MNAT1: variants seen among roughly 807,000 people sequenced by gnomAD.
MNAT1 encodes MNAT1 component of CDK activating kinase, also known as CDK-activating kinase assembly factor MAT1.
MNAT1 carries 43 observed loss-of-function variants against 42.0 expected under a neutral mutation model. That is an observed-to-expected ratio of 1.02 (90% CI 0.80 to 1.32). The LOEUF (loss-of-function observed/expected upper bound fraction) is 1.32. Ranked by LOEUF, MNAT1 falls within the 40% of genes most tolerant of loss-of-function variation. MNAT1 has a pLI of 0.00. For missense variants in MNAT1, 306 were observed against 350.4 expected, an observed-to-expected ratio of 0.87 and a Z score of 1.01; for synonymous variants, 118 against 120.0, an observed-to-expected ratio of 0.98 and a Z score of 0.11.
intron 6 of MNAT1, among the ~76,000 whole-genome samples, chr14:60,846,021 G>C (rs560716056): frequency 4.0e-5 from 6 of 151,890 alleles, no homozygotes; most frequent in African/African-American, 1.5e-4. Flanking sequence ...ATTAATGAGA[G>C]GATTTCCAAA....
At chr14:60,758,325 C>T (rs1156548979) in intron 1 of MNAT1, among the ~76,000 whole-genome samples, 1 of 151,826 alleles carries the variant, frequency 6.6e-6, no homozygotes, top group Non-Finnish European at 1.5e-5. Flanking sequence ...CTCATGTCAG[C>T]CTCCTCAGTA....
intron 6 of MNAT1, among the ~76,000 whole-genome samples, chr14:60,831,957 T>C (rs2033234265): frequency 6.6e-6 from 1 of 152,246 alleles, no homozygotes; most frequent in East Asian, 1.9e-4. Context: ...CATGTGTTTG[T>C]TGGCTGCATA....
chr14:60,801,104 G>A (rs548743945), intron 3 of MNAT1, among the ~76,000 whole-genome samples: 17 of 152,244 alleles, frequency 1.1e-4, no homozygotes, highest in Admixed American at 4.6e-4. Context: ...ATTCAGAGAA[G>A]AGATGACATG....
In MNAT1 at chr14:60,968,301, C is replaced by T. The variant is rs2036719947; in HGVS notation, c.882C>T (p.His294=). 4 of 1,613,848 alleles carry T rather than the reference C, an allele frequency of 2.5e-6. No homozygotes were observed. In the South Asian group the frequency reaches 4.4e-5, roughly 18 times the overall value. ...AGGYTSSLAC[H]RALQDAFSGL... ...GCTATACTTCTTCTCTTGCTTGTCA[C>T]AGAGCACTACAGGATGCATTCAGTG... is the stretch of plus-strand genomic sequence containing the variant. The change falls in exon 8 of 8, where the codon CAC becomes CAT. Residue 294 remains histidine, a synonymous_variant. Coordinates refer to ENST00000261245, the MANE Select transcript of MNAT1 (RefSeq NM_002431.4).
intron 1 of MNAT1, among the ~76,000 whole-genome samples, chr14:60,770,372 TG>T (rs1219310558): frequency 2.8e-4 from 42 of 152,336 alleles, no homozygotes; most frequent in African/African-American, 1.0e-3. Flanking sequence ...GTTGTGTTAA[TG>T]CTCCAATGAA....
intron 1 of MNAT1, among the ~76,000 whole-genome samples, chr14:60,779,577 G>A (rs761470664): frequency 6.6e-6 from 1 of 152,106 alleles, no homozygotes; most frequent in Non-Finnish European, 1.5e-5. Context: ...CATGAGGTCA[G>A]GAGATCAAGA....
chr14:60,833,796 G>T (rs112360503), intron 6 of MNAT1, among the ~76,000 whole-genome samples: 7 of 152,094 alleles, frequency 4.6e-5, no homozygotes, highest in Admixed American at 3.3e-4. Context: ...CTGTGAATCT[G>T]TATGTTCCTG....
At chr14:60,930,246 T>TTATTAG (rs942994616) in intron 7 of MNAT1, among the ~76,000 whole-genome samples, 2 of 147,154 alleles carry the variant, frequency 1.4e-5, no homozygotes, top group African/African-American at 5.0e-5. Context: ...ATTATTATTA[T>TTATTAG]TTGAGTCTAT....
At chr14:60,939,231 C>T (rs571522741) in intron 7 of MNAT1, among the ~76,000 whole-genome samples, 1 of 152,300 alleles carries the variant, frequency 6.6e-6, no homozygotes, top group African/African-American at 2.4e-5. Flanking sequence ...TGTCTATCTC[C>T]TTCAGTTCTG....
chr14:60,830,980 G>C (rs1395484776), intron 6 of MNAT1, among the ~76,000 whole-genome samples: 2 of 151,866 alleles, frequency 1.3e-5, no homozygotes, highest in Admixed American at 6.6e-5. Context: ...CGTGCCTCCT[G>C]TTAACATTTT....
At chr14:60,890,705 A>G (rs1275354701) in intron 7 of MNAT1, among the ~76,000 whole-genome samples, 1 of 152,230 alleles carries the variant, frequency 6.6e-6, no homozygotes, top group Non-Finnish European at 1.5e-5. Context: ...GACAGAAAGC[A>G]TCCAGCATGG....
chr14:60,914,216 C>T (rs147718971), intron 7 of MNAT1, among the ~76,000 whole-genome samples: 301 of 152,282 alleles, frequency 2.0e-3, no homozygotes, highest in African/African-American at 6.8e-3. Flanking sequence ...TTCCAGGTGC[C>T]GTCTGTCACC....
chr14:60,885,983 G>C (rs775106075), intron 7 of MNAT1, among the ~76,000 whole-genome samples: 1 of 151,894 alleles, frequency 6.6e-6, no homozygotes, highest in Non-Finnish European at 1.5e-5. Context: ...ACTTGTATGT[G>C]TATAGTTCTC....
intron 4 of MNAT1, among the ~76,000 whole-genome samples, chr14:60,809,836 G>T (rs748667673): frequency 3.9e-5 from 6 of 151,992 alleles, no homozygotes; most frequent in Non-Finnish European, 8.8e-5. Flanking sequence ...TGGTACCTTT[G>T]TCTGGTTTTA....
intron 1 of MNAT1, among the ~76,000 whole-genome samples, chr14:60,781,010 T>G (rs1206541225): frequency 6.6e-6 from 1 of 152,230 alleles, no homozygotes; most frequent in Non-Finnish European, 1.5e-5. Context: ...ATATTCAGAA[T>G]CTTTGTTAAA....
At chr14:60,939,377 A>G (rs1380303538) in intron 7 of MNAT1, among the ~76,000 whole-genome samples, 2 of 152,084 alleles carry the variant, frequency 1.3e-5, no homozygotes, top group African/African-American at 2.4e-5. Context: ...TTAGTCCTAT[A>G]AAGTTCCCTC....
In MNAT1 at chr14:60,734,837, C is replaced by G. The variant is rs756543095; in HGVS notation, c.-26C>G. On this transcript the variant is annotated 5_prime_UTR_variant, in exon 1 of 8. Coordinates refer to ENST00000261245, the MANE Select transcript of MNAT1 (RefSeq NM_002431.4). The surrounding 1 kb of genome is among the most constrained non-coding windows in gnomAD (Gnocchi z 4.3). ...TGGCTCTGGCTGAAACAGGCGCCTG[C>G]GAGAGTCTGTAGGAGGGAAACCGCC... 4 of 1,611,340 alleles carry G rather than the reference C, an allele frequency of 2.5e-6. No individual in the cohort carries two copies. The Admixed American group carries it at 6.7e-5, about 27-fold the overall frequency.
At chr14:60,846,088 C>G (rs1418699149) in intron 6 of MNAT1, among the ~76,000 whole-genome samples, 1 of 151,780 alleles carries the variant, frequency 6.6e-6, no homozygotes, top group Non-Finnish European at 1.5e-5. Context: ...TTTTCTATCC[C>G]CGTTTCTTTT....
At chr14:60,812,700 T>A (rs866167627) in intron 5 of MNAT1, among the ~76,000 whole-genome samples, 1 of 152,196 alleles carries the variant, frequency 6.6e-6, no homozygotes, top group South Asian at 2.1e-4. Flanking sequence ...TTTTGCTTAC[T>A]CATAAGCTAA....
Sources: allele counts gnomAD v4.1 joint callset (sites outside exome capture counted in the v4.1 genomes callset), GRCh38; gene constraint gnomAD v4.1.1; non-coding constraint Gnocchi (gnomAD v3.1); transcripts MANE v1.5; gene names NCBI Gene and HGNC (gene_info 2026-07-23, HGNC 2026-07-21).